MITF: variants seen among roughly 807,000 people sequenced by gnomAD.
MITF encodes the protein melanocyte inducing transcription factor, also known as microphthalmia-associated transcription factor.
A neutral mutation model predicts 60.5 loss-of-function variants in MITF; 17 were observed. That is an observed-to-expected ratio of 0.28 (90% CI 0.19 to 0.42). The LOEUF (loss-of-function observed/expected upper bound fraction) is 0.42. MITF is among the 10% of genes least tolerant of loss of function. The probability of loss-of-function intolerance (pLI) is 1.00; values close to 1 mark genes in which losing one functional copy is unlikely to be tolerated. For missense variants in MITF, 622 were observed against 683.5 expected, an observed-to-expected ratio of 0.91 and a Z score of 1.00; for synonymous variants, 260 against 248.5, an observed-to-expected ratio of 1.05 and a Z score of -0.43.
chr3:69,865,261 C>A (rs1160925038), intron 1 of MITF, among the ~76,000 whole-genome samples: 1 of 152,114 alleles, frequency 6.6e-6, no homozygotes, highest in Non-Finnish European at 1.5e-5. Context: ...ATTTTCCAAC[C>A]ATTTACTTTG....
chr3:69,804,526 T>C (rs1559640959), intron 1 of MITF, among the ~76,000 whole-genome samples: 1 of 152,256 alleles, frequency 6.6e-6, no homozygotes. Flanking sequence ...TTTTTGTGAA[T>C]AAATCTCTTA....
At chr3:69,806,028 A>G (rs546735526) in intron 1 of MITF, among the ~76,000 whole-genome samples, 1 of 152,002 alleles carries the variant, frequency 6.6e-6, no homozygotes. Context: ...TAGACTAATT[A>G]TGTGAAAATC....
At position 69,943,965 on chromosome 3, in the gene MITF, A is replaced by C. The variant is rs190535013; in HGVS notation, c.762+2634A>C. The stretch of plus-strand genomic sequence containing the variant: ...AATTAGCTGGGTGGGGTAGTAGTAC[A>C]TACCTATAGTCCTAGCTACTCAGGA... On this transcript the variant is annotated intron_variant, in intron 5 of 9. Coordinates refer to ENST00000352241, the MANE Select transcript of MITF (RefSeq NM_001354604.2). Among the ~76,000 whole-genome samples, 755 of 152,198 alleles carry C rather than the reference A, an allele frequency of 5.0e-3. 5 individuals are homozygous for C. The highest frequency in any genetic ancestry group is 9.2e-3 in the Non-Finnish European group (626 of 67,994).
intron 1 of MITF, among the ~76,000 whole-genome samples, chr3:69,840,371 G>A (rs2063613751): frequency 6.6e-6 from 1 of 152,180 alleles, no homozygotes; most frequent in Non-Finnish European, 1.5e-5. Context: ...ATACACAGAG[G>A]TCTTTGAAAG....
chr3:69,824,943 C>T (rs1009124964), intron 1 of MITF, among the ~76,000 whole-genome samples: 1 of 152,246 alleles, frequency 6.6e-6, no homozygotes, highest in African/African-American at 2.4e-5. Flanking sequence ...GGGATAAAGG[C>T]TCTCCCTTGG....
Position 69,958,323 on chromosome 3 carries a change from T to C in MITF, c.1032-950T>C, listed in dbSNP as rs704245. Among the ~76,000 whole-genome samples, 982 of 152,338 alleles carry C rather than the reference T, an allele frequency of 6.4e-3. 4 individuals carry two copies. The highest frequency in any genetic ancestry group is 0.011 in the Non-Finnish European group (735 of 68,020). The stretch of plus-strand genomic sequence containing the variant: ...TAAGTCTCTGCGCTCACTGTGGGTA[T>C]CTCAGGACATTCCCCTGGGTTGCCA... On this transcript the variant is annotated intron_variant, in intron 8 of 9. Transcript: ENST00000352241.
At chr3:69,745,685 C>T (rs1464536277) in intron 1 of MITF, among the ~76,000 whole-genome samples, 1 of 152,068 alleles carries the variant, frequency 6.6e-6, no homozygotes, top group Admixed American at 6.5e-5. Context: ...CTCATGGTGG[C>T]AGAGAGGCTG....
chr3:69,797,628 G>T (rs897252911), intron 1 of MITF, among the ~76,000 whole-genome samples: 1 of 152,146 alleles, frequency 6.6e-6, no homozygotes, highest in African/African-American at 2.4e-5. Flanking sequence ...CTCTTTGGTT[G>T]AAAGCAACAT....
chr3:69,882,984 C>T (rs936942926), intron 2 of MITF, among the ~76,000 whole-genome samples: 7 of 152,120 alleles, frequency 4.6e-5, no homozygotes, highest in African/African-American at 7.2e-5. Context: ...AAGGATTCCC[C>T]ACTACCTCTG....
At chr3:69,890,972 C>A (rs1054168296) in intron 2 of MITF, among the ~76,000 whole-genome samples, 1 of 152,138 alleles carries the variant, frequency 6.6e-6, no homozygotes. Flanking sequence ...ATGCTATGAC[C>A]TCCAGAAAGA....
chr3:69,769,177 A>G (rs1258338300), intron 1 of MITF, among the ~76,000 whole-genome samples: 1 of 152,156 alleles, frequency 6.6e-6, no homozygotes, highest in African/African-American at 2.4e-5. Flanking sequence ...TTCTCTTTAT[A>G]TCTTGGATTT....
rs183791525 is a variant in MITF at position 69,894,445 on chromosome 3, G to T, written c.354+15062G>T. On this transcript the variant is annotated intron_variant, in intron 2 of 9. Transcript: ENST00000352241. ...TCACGCCTGTAACCCCAGTGCTTTG[G>T]GAGGCCGAGGTGGGTGGATCACCTG... is the stretch of plus-strand genomic sequence containing the variant. Among the ~76,000 whole-genome samples, 432 of 152,274 alleles carry T rather than the reference G, an allele frequency of 2.8e-3. 2 individuals are homozygous for T. The highest frequency in any genetic ancestry group is 5.1e-3 in the Non-Finnish European group (347 of 68,018).
At chr3:69,810,119 G>A (rs55738162) in intron 1 of MITF, among the ~76,000 whole-genome samples, 23,337 of 152,010 alleles carry the variant, frequency 0.15, 2,103 homozygotes, top group South Asian at 0.21. Flanking sequence ...TCTACCCTTG[G>A]TCCTCTGTCC....
At chr3:69,952,449 T>C (rs1214596961) in intron 7 of MITF, among the ~76,000 whole-genome samples, 1 of 152,192 alleles carries the variant, frequency 6.6e-6, no homozygotes, top group East Asian at 1.9e-4. Flanking sequence ...TACTTTAATT[T>C]TGGTTTAATA....
chr3:69,763,832 C>T, intron 1 of MITF: 1 of 1,367,528 alleles, frequency 7.3e-7, no homozygotes, highest in Non-Finnish European at 9.7e-7. Context: ...CGCTCCATCT[C>T]TGAAGTCAAA....
intron 2 of MITF, among the ~76,000 whole-genome samples, chr3:69,934,520 T>A (rs2065789395): frequency 6.6e-6 from 1 of 152,218 alleles, no homozygotes; most frequent in Non-Finnish European, 1.5e-5. Context: ...ATGATCTCAT[T>A]TAATGCAGAA....
chr3:69,773,328 G>C (rs992720266), intron 1 of MITF, among the ~76,000 whole-genome samples: 1 of 152,156 alleles, frequency 6.6e-6, no homozygotes, highest in African/African-American at 2.4e-5. Flanking sequence ...GGTTTGCAAA[G>C]ACTTTGCCTT....
At chr3:69,963,331 G>A (rs999696184) in intron 9 of MITF, among the ~76,000 whole-genome samples, 30 of 152,134 alleles carry the variant, frequency 2.0e-4, no homozygotes, top group African/African-American at 7.2e-4. Flanking sequence ...TAAAACTTTA[G>A]TTACTGGCAT....
chr3:69,796,504 T>TC (rs2062831481), intron 1 of MITF, among the ~76,000 whole-genome samples: 2 of 118,516 alleles, frequency 1.7e-5, no homozygotes, highest in South Asian at 4.9e-4. Context: ...CTTTTTTTTT[T>TC]TTTTTTTTTT....
Sources: allele counts gnomAD v4.1 joint callset (sites outside exome capture counted in the v4.1 genomes callset), GRCh38; gene constraint gnomAD v4.1.1; transcripts MANE v1.5; gene names NCBI Gene and HGNC (gene_info 2026-07-23, HGNC 2026-07-21).